The following ZNF536 variants were observed in gnomAD, a reference collection of about 807,000 sequenced individuals.
The protein encoded by ZNF536 is zinc finger protein 536.
ZNF536 carries 13 observed loss-of-function variants against 84.5 expected under a neutral mutation model. That is an observed-to-expected ratio of 0.15 (90% CI 0.10 to 0.24). The LOEUF (loss-of-function observed/expected upper bound fraction) is 0.24. Ranked by LOEUF, ZNF536 falls within the 10% of genes least tolerant of loss-of-function variation. The probability of loss-of-function intolerance (pLI) is 1.00; values close to 1 mark genes in which losing one functional copy is unlikely to be tolerated. For synonymous variants in ZNF536, 811 were observed against 742.5 expected (o/e 1.09, Z -1.50); for missense variants, 1,536 against 1,747.5 (o/e 0.88, Z 2.16).
intron 2 of ZNF536, among the ~76,000 whole-genome samples, chr19:30,344,298 A>T (rs868553413): frequency 0.017 from 504 of 29,172 alleles, 42 homozygotes; most frequent in African/African-American, 0.12. Flanking sequence ...CACACACACA[A>T]ATATATTGGC....
In ZNF536 at chr19:30,260,077, T is replaced by C. The variant is rs566457191; in HGVS notation, c.-189-23995T>C. ...ACCATGCCCAGCTATTGGATGCTTC[T>C]TTCTTCTGCCTTTCTAAGAGATCAT... On this transcript the variant is annotated intron_variant, in intron 1 of 5. Transcript: ENST00000585628. Among the ~76,000 whole-genome samples, 7 of 152,362 alleles carry C rather than the reference T, an allele frequency of 4.6e-5. No individual in the cohort carries two copies. The South Asian group carries it at 1.4e-3, about 32-fold the overall frequency.
intron 2 of ZNF536, among the ~76,000 whole-genome samples, chr19:30,508,282 C>A (rs1208974977): frequency 6.6e-6 from 1 of 152,214 alleles, no homozygotes; most frequent in Non-Finnish European, 1.5e-5. Flanking sequence ...GGCATGGGGA[C>A]ACCCTTGGGC....
At chr19:30,524,882 C>T (rs1477665955) in intron 2 of ZNF536, among the ~76,000 whole-genome samples, 1 of 152,004 alleles carries the variant, frequency 6.6e-6, no homozygotes, top group Non-Finnish European at 1.5e-5. Context: ...GAAAGGAGTA[C>T]TTAATTTAAA....
At chr19:30,699,583 A>C (rs2051808929) in intron 1 of ZNF536, among the ~76,000 whole-genome samples, 1 of 152,164 alleles carries the variant, frequency 6.6e-6, no homozygotes, top group Non-Finnish European at 1.5e-5. Flanking sequence ...GATTGGAATC[A>C]TTCTCGCCTA....
At chr19:30,282,877 G>C (rs2045500449) in intron 1 of ZNF536, among the ~76,000 whole-genome samples, 1 of 152,202 alleles carries the variant, frequency 6.6e-6, no homozygotes, top group African/African-American at 2.4e-5. Flanking sequence ...AGATGGTTGA[G>C]ACATCAGGTT....
At chr19:30,623,582 T>C (rs2048567391) in intron 1 of ZNF536, among the ~76,000 whole-genome samples, 2 of 152,222 alleles carry the variant, frequency 1.3e-5, no homozygotes, top group Admixed American at 1.3e-4. Context: ...GGCTACAGCC[T>C]CTGCTGCTAC....
At chr19:30,550,314 A>G (rs1461598985) in intron 4 of ZNF536, among the ~76,000 whole-genome samples, 1 of 152,196 alleles carries the variant, frequency 6.6e-6, no homozygotes, top group Non-Finnish European at 1.5e-5. Flanking sequence ...TCCGAACATC[A>G]TTGTAAGTTT....
intron 1 of ZNF536, among the ~76,000 whole-genome samples, chr19:30,708,900 C>T (rs894865178): frequency 6.6e-6 from 1 of 152,332 alleles, no homozygotes; most frequent in East Asian, 1.9e-4. Context: ...TTTGCTTGTT[C>T]TCTGGAGCCA....
At chr19:30,320,790 T>G (rs376782504) in intron 2 of ZNF536, among the ~76,000 whole-genome samples, 3 of 152,290 alleles carry the variant, frequency 2.0e-5, no homozygotes, top group African/African-American at 7.2e-5. Context: ...TCTCCTCTTC[T>G]TGGCTCCCGG....
At chr19:30,504,851 T>C (rs940494465) in intron 2 of ZNF536, among the ~76,000 whole-genome samples, 3 of 151,974 alleles carry the variant, frequency 2.0e-5, no homozygotes, top group African/African-American at 7.3e-5. Flanking sequence ...CCATTTCCGA[T>C]GAGGATGTTA....
chr19:30,387,867 T>A (rs183905323), intron 1 of ZNF536, among the ~76,000 whole-genome samples: 100 of 151,988 alleles, frequency 6.6e-4, no homozygotes, highest in African/African-American at 2.2e-3. Context: ...AGGGATGGGG[T>A]TGGGGAATGT....
At chr19:30,322,220 G>A (rs532001021) in intron 2 of ZNF536, among the ~76,000 whole-genome samples, 9 of 152,132 alleles carry the variant, frequency 5.9e-5, no homozygotes, top group East Asian at 3.9e-4. Context: ...AATAGCTGCC[G>A]TTTTTCATTG....
At chr19:30,635,984 G>A (rs1305177298) in intron 1 of ZNF536, among the ~76,000 whole-genome samples, 4 of 152,222 alleles carry the variant, frequency 2.6e-5, no homozygotes, top group Non-Finnish European at 4.4e-5. Context: ...CCGCCGGAGA[G>A]CTGTGCAAGG....
chr19:30,380,760 T>C (rs755574509), intron 1 of ZNF536, among the ~76,000 whole-genome samples: 6 of 152,164 alleles, frequency 3.9e-5, no homozygotes, highest in Non-Finnish European at 8.8e-5. Flanking sequence ...TCCAGAAGAC[T>C]CAGGTCTGGC....
intron 2 of ZNF536, among the ~76,000 whole-genome samples, chr19:30,500,743 A>T (rs1396898907): frequency 6.6e-6 from 1 of 152,190 alleles, no homozygotes. Context: ...CAGCAGGATG[A>T]TGTGGGATGG....
rs572781978 is a variant in ZNF536 at position 30,243,722 on chromosome 19, A to T, written c.-190+15049A>T. Among the ~76,000 whole-genome samples the T allele has an allele frequency of 1.2e-3, 181 of 152,360 alleles. 2 individuals carry two copies. In the South Asian group the frequency reaches 0.012, roughly 10 times the overall value. On this transcript the variant is annotated intron_variant, in intron 1 of 5. Coordinates refer to the ZNF536 transcript ENST00000585628. ...CGTCTGGCTCATTAATTTGGAGACAACTTCTCTGTTCAATCCCAAATCACA... is the reference window on the plus strand; with the variant it reads ...CGTCTGGCTCATTAATTTGGAGACATCTTCTCTGTTCAATCCCAAATCACA...
intron 2 of ZNF536, among the ~76,000 whole-genome samples, chr19:30,524,821 T>A (rs2044509623): frequency 6.6e-6 from 1 of 152,202 alleles, no homozygotes; most frequent in Non-Finnish European, 1.5e-5. Context: ...TGGGAATTTA[T>A]GCTTTAGTGA....
At position 30,279,058 on chromosome 19, in the gene ZNF536, T is replaced by A. The variant is rs1023539517; in HGVS notation, c.-189-5014T>A. Among the ~76,000 whole-genome samples the A allele has an allele frequency of 1.3e-5, 2 of 152,200 alleles. 1 individual carries two copies. Among genetic ancestry groups the A allele is most frequent in the Admixed American group, 1.3e-4 (2 of 15,288 alleles). ...CATCTCCATCCAACCTCAGGGCCTTTGCACTTGCTGTTCACTCTTCCTGTA... is the reference window on the plus strand; with the variant it reads ...CATCTCCATCCAACCTCAGGGCCTTAGCACTTGCTGTTCACTCTTCCTGTA... On this transcript the variant is annotated intron_variant, in intron 1 of 5. Coordinates refer to the ZNF536 transcript ENST00000585628.
intron 3 of ZNF536, among the ~76,000 whole-genome samples, chr19:30,359,689 G>A (rs566604493): frequency 2.0e-5 from 3 of 151,628 alleles, no homozygotes; most frequent in East Asian, 3.9e-4. Flanking sequence ...GCAGTTGGAC[G>A]ACCCCTCCCC....
Sources: allele counts gnomAD v4.1 joint callset (sites outside exome capture counted in the v4.1 genomes callset), GRCh38; gene constraint gnomAD v4.1.1; transcripts MANE v1.5; gene names NCBI Gene and HGNC (gene_info 2026-07-23, HGNC 2026-07-21).